GRXCR1: variants seen among roughly 807,000 people sequenced by gnomAD.
The protein encoded by GRXCR1 is glutaredoxin and cysteine rich domain containing 1, also known as glutaredoxin domain-containing cysteine-rich protein 1.
In GRXCR1, 27 loss-of-function variants were observed where a neutral mutation model predicts 27.3. The ratio of observed to expected loss-of-function variants is 0.99; its 90% CI spans 0.73 to 1.37. GRXCR1 has a LOEUF of 1.37. GRXCR1 is among the 40% of genes most tolerant of loss of function. The pLI is 0.00. For missense variants in GRXCR1, 379 were observed against 354.4 expected (o/e 1.07, Z -0.56); for synonymous variants, 122 against 131.1 (o/e 0.93, Z 0.47).
At chr4:43,011,358 C>G (rs1011130241) in intron 2 of GRXCR1, among the ~76,000 whole-genome samples, 1 of 152,176 alleles carries the variant, frequency 6.6e-6, no homozygotes, top group Non-Finnish European at 1.5e-5. Context: ...GAAGCTGGAG[C>G]AGGATAGAGA....
chr4:43,000,192 C>T (rs1187090158), intron 2 of GRXCR1, among the ~76,000 whole-genome samples: 2 of 152,114 alleles, frequency 1.3e-5, no homozygotes, highest in Non-Finnish European at 2.9e-5. Context: ...TAGAAGGCGT[C>T]TAAGGGGGTG....
intron 3 of GRXCR1, among the ~76,000 whole-genome samples, chr4:43,028,260 C>G (rs1713318955): frequency 6.6e-6 from 1 of 152,180 alleles, no homozygotes. Flanking sequence ...ATTTAAATAT[C>G]AGATAAATTA....
In GRXCR1 at chr4:42,975,023, C is replaced by A. The variant is rs570975663; in HGVS notation, c.627+11889C>A. On this transcript the variant is annotated intron_variant, in intron 2 of 3. Coordinates refer to ENST00000399770, the MANE Select transcript of GRXCR1 (RefSeq NM_001080476.3). ...TTTAGACTTCAAAAGGGTGGTATGA[C>A]TACCTGCCCTGGGTCCATCCTGTAC... Among the ~76,000 whole-genome samples, 4 of 152,232 alleles carry A rather than the reference C, an allele frequency of 2.6e-5. No individual in the cohort carries two copies. The East Asian group carries it at 7.7e-4, about 29-fold the overall frequency.
intron 1 of GRXCR1, among the ~76,000 whole-genome samples, chr4:42,919,382 G>T (rs553055675): frequency 1.3e-5 from 2 of 152,198 alleles, no homozygotes; most frequent in Non-Finnish European, 2.9e-5. Context: ...TCTCCTGTGG[G>T]TGTCTGAATT....
chr4:42,911,461 A>T (rs950355336), intron 1 of GRXCR1, among the ~76,000 whole-genome samples: 4 of 152,144 alleles, frequency 2.6e-5, no homozygotes, highest in South Asian at 2.1e-4. Context: ...AAAAGGGGGA[A>T]ATACACTGCA....
chr4:42,955,401 C>T (rs943245377), intron 1 of GRXCR1, among the ~76,000 whole-genome samples: 4 of 152,070 alleles, frequency 2.6e-5, no homozygotes, highest in African/African-American at 9.7e-5. Flanking sequence ...AGGCCAATAG[C>T]AGTTTGTAGT....
At chr4:43,028,487 T>G (rs1713326693) in intron 3 of GRXCR1, among the ~76,000 whole-genome samples, 1 of 152,208 alleles carries the variant, frequency 6.6e-6, no homozygotes, top group African/African-American at 2.4e-5. Context: ...GTCCTTACTG[T>G]AGGACCTTGG....
At chr4:42,925,481 T>C (rs1747138968) in intron 1 of GRXCR1, among the ~76,000 whole-genome samples, 1 of 152,200 alleles carries the variant, frequency 6.6e-6, no homozygotes, top group African/African-American at 2.4e-5. Context: ...AGCAGCCCAG[T>C]TAACCAAATT....
chr4:42,978,673 T>A (rs1414696621), intron 2 of GRXCR1, among the ~76,000 whole-genome samples: 1 of 152,104 alleles, frequency 6.6e-6, no homozygotes, highest in African/African-American at 2.4e-5. Context: ...TCAAATTTAT[T>A]TTTTGGTGCT....
At position 42,903,319 on chromosome 4, in the gene GRXCR1, T is replaced by A. The variant is rs751818447; in HGVS notation, c.384+9669T>A. Among the ~76,000 whole-genome samples the A allele has an allele frequency of 3.0e-4, 39 of 128,656 alleles. 1 individual carries two copies. Among genetic ancestry groups the A allele is most frequent in the Non-Finnish European group, 4.6e-4 (28 of 61,284 alleles). 84.4% of individuals were successfully genotyped at this position (128,656 alleles called of 152,430 possible). A position where few individuals can be genotyped will look rare whatever the true frequency, so the allele number is the denominator to read the frequency against. ...CCACAGCTTTGTAGATTTTTTTTTT[T>A]TTTTTTTTTTTTTTTTTAGACGGAG... On this transcript the variant is annotated intron_variant, in intron 1 of 3. Transcript: ENST00000399770.
chr4:42,962,298 A>C (rs1748143993), intron 1 of GRXCR1, among the ~76,000 whole-genome samples: 1 of 151,824 alleles, frequency 6.6e-6, no homozygotes, highest in African/African-American at 2.4e-5. Context: ...GGAACATTTA[A>C]TTGTTTTATT....
chr4:43,030,029 CA>C (rs1348718280), intron 3 of GRXCR1, among the ~76,000 whole-genome samples: 3 of 152,100 alleles, frequency 2.0e-5, no homozygotes, highest in Non-Finnish European at 4.4e-5. Flanking sequence ...TCCCTTAATA[CA>C]AAAAGCCAGC....
At chr4:42,996,378 G>A (rs1441787086) in intron 2 of GRXCR1, among the ~76,000 whole-genome samples, 1 of 152,076 alleles carries the variant, frequency 6.6e-6, no homozygotes, top group Non-Finnish European at 1.5e-5. Flanking sequence ...AGGGAACAAA[G>A]CAAAGACATA....
chr4:43,015,810 T>C, intron 2 of GRXCR1, among the ~76,000 whole-genome samples: 1 of 151,654 alleles, frequency 6.6e-6, no homozygotes, highest in South Asian at 2.1e-4. Flanking sequence ...CATTCACATA[T>C]AAATATATGT....
chr4:42,930,604 C>A (rs947348308), intron 1 of GRXCR1, among the ~76,000 whole-genome samples: 1 of 151,880 alleles, frequency 6.6e-6, no homozygotes, highest in East Asian at 1.9e-4. Context: ...AATAGAGACT[C>A]TTTTTTAAAA....
chr4:43,014,360 A>ACCT (rs1712865454), intron 2 of GRXCR1, among the ~76,000 whole-genome samples: 2 of 151,660 alleles, frequency 1.3e-5, no homozygotes, highest in African/African-American at 2.4e-5. Context: ...AGTTGATGAA[A>ACCT]CCTCCCATTT....
intron 1 of GRXCR1, among the ~76,000 whole-genome samples, chr4:42,948,142 A>G (rs1018308592): frequency 6.6e-6 from 1 of 152,176 alleles, no homozygotes; most frequent in Non-Finnish European, 1.5e-5. Flanking sequence ...GCAAAAATTT[A>G]AAACATTTTC....
At chr4:43,006,898 C>G (rs1451701707) in intron 2 of GRXCR1, among the ~76,000 whole-genome samples, 1 of 152,272 alleles carries the variant, frequency 6.6e-6, no homozygotes, top group Middle Eastern at 3.4e-3. Context: ...AAATTTCTCT[C>G]TTTTGTACTC....
At chr4:42,955,872 T>C (rs1403157110) in intron 1 of GRXCR1, among the ~76,000 whole-genome samples, 1 of 151,964 alleles carries the variant, frequency 6.6e-6, no homozygotes, top group Non-Finnish European at 1.5e-5. Flanking sequence ...TAGCTTGAAA[T>C]AACCCACTGG....
Sources: allele counts gnomAD v4.1 joint callset (sites outside exome capture counted in the v4.1 genomes callset), GRCh38; gene constraint gnomAD v4.1.1; transcripts MANE v1.5; gene names NCBI Gene and HGNC (gene_info 2026-07-23, HGNC 2026-07-21).